Variants in PATJ observed in about 807,000 individuals in gnomAD.
PATJ encodes PATJ crumbs cell polarity complex component.
Under a neutral mutation model 224.9 loss-of-function variants are expected in PATJ, and 190 were observed. The ratio of observed to expected loss-of-function variants is 0.84; its 90% CI spans 0.75 to 0.95. The LOEUF is 0.95. Ranked by LOEUF, PATJ falls within the 40% of genes least tolerant of loss-of-function variation. The pLI, the probability that PATJ is intolerant of heterozygous loss-of-function variation, is 0.00. For synonymous variants in PATJ, 769 were observed against 820.3 expected (o/e 0.94, Z 1.07); for missense variants, 2,121 against 2,270.3 (o/e 0.93, Z 1.34).
chr1:61,847,797 A>G (rs1662201180), intron 17 of PATJ, among the ~76,000 whole-genome samples: 1 of 152,196 alleles, frequency 6.6e-6, no homozygotes, highest in Non-Finnish European at 1.5e-5. Context: ...ATTGTTTTAA[A>G]CCAGAACTGT....
intron 27 of PATJ, among the ~76,000 whole-genome samples, chr1:61,969,905 A>C (rs1179057436): frequency 6.6e-6 from 1 of 151,848 alleles, no homozygotes; most frequent in Non-Finnish European, 1.5e-5. Flanking sequence ...TGTTGGCCGG[A>C]CTGGTCTCGA....
Position 62,158,347 on chromosome 1 carries a change from C to T in PATJ, c.5503-2561C>T, listed in dbSNP as rs997293070. On this transcript the variant is annotated intron_variant, in intron 43 of 43. Transcript: ENST00000642238. Reference sequence around the variant, plus strand: ...TCCAAATCCTAGAAAGTTAAAAAATCATCCTGGCTGGGCACGGACTCATGC... The same window carrying T: ...TCCAAATCCTAGAAAGTTAAAAAATTATCCTGGCTGGGCACGGACTCATGC... Among the ~76,000 whole-genome samples the T allele has an allele frequency of 1.5e-4, 23 of 149,142 alleles. 3 individuals carry two copies. The highest frequency in any genetic ancestry group is 3.0e-5 in the Non-Finnish European group (2 of 67,084).
intron 29 of PATJ, among the ~76,000 whole-genome samples, chr1:62,027,306 T>G (rs1462498271): frequency 2.6e-5 from 4 of 152,226 alleles, no homozygotes; most frequent in African/African-American, 9.6e-5. Context: ...GAATTTCTTT[T>G]TAAGGCTGAA....
At chr1:62,147,599 G>A (rs996608325) in intron 41 of PATJ, among the ~76,000 whole-genome samples, 34 of 152,114 alleles carry the variant, frequency 2.2e-4, no homozygotes, top group Admixed American at 3.9e-4. Flanking sequence ...AGGAGTTCAA[G>A]ACCAGCCTGG....
At chr1:62,106,202 G>T (rs1663026314) in intron 33 of PATJ, among the ~76,000 whole-genome samples, 1 of 81,028 alleles carries the variant, frequency 1.2e-5, no homozygotes, top group Non-Finnish European at 2.9e-5. Context: ...GGGCACAGCG[G>T]CTCATACCTG....
chr1:61,939,676 C>CTTTT lies in PATJ; in HGVS notation c.3670+11870_3670+11873dup, dbSNP rs71050183. Among the ~76,000 whole-genome samples, 156 of 58,874 alleles carry CTTTT rather than the reference C, an allele frequency of 2.6e-3. 44 individuals are homozygous for CTTTT. Among genetic ancestry groups the CTTTT allele is most frequent in the Non-Finnish European group, 2.9e-3 (106 of 36,110 alleles). 38.6% of individuals were successfully genotyped at this position (58,874 alleles called of 152,430 possible). On this transcript the variant is annotated intron_variant, in intron 27 of 43. Transcript: ENST00000642238. ...AGCATGTATAAAAAGTTTCTATGTG[C>CTTTT]TTTTTTTTTTTTTTTTTTTTTTTTT...
intron 33 of PATJ, among the ~76,000 whole-genome samples, chr1:62,089,309 A>G (rs971339714): frequency 1.3e-5 from 2 of 151,808 alleles, no homozygotes; most frequent in Non-Finnish European, 2.9e-5. Flanking sequence ...TTTCCATTGA[A>G]TTCCATCACT....
At chr1:62,049,906 G>A (rs949045671) in intron 30 of PATJ, among the ~76,000 whole-genome samples, 5 of 152,014 alleles carry the variant, frequency 3.3e-5, no homozygotes, top group African/African-American at 7.2e-5. Context: ...ATCACTTGAC[G>A]TCAGGAGTTC....
At chr1:61,930,588 T>C (rs1208748396) in intron 27 of PATJ, among the ~76,000 whole-genome samples, 2 of 152,172 alleles carry the variant, frequency 1.3e-5, no homozygotes, top group East Asian at 3.9e-4. Context: ...TTGGGGGTTT[T>C]TTGAGATGGG....
intron 14 of PATJ, among the ~76,000 whole-genome samples, chr1:61,809,827 A>G (rs1361176540): frequency 6.7e-6 from 1 of 149,182 alleles, no homozygotes; most frequent in Non-Finnish European, 1.5e-5. Context: ...CCATAATTTT[A>G]TAGGTTTCAA....
At chr1:61,928,432 G>A (rs1409824168) in intron 27 of PATJ, among the ~76,000 whole-genome samples, 2 of 152,134 alleles carry the variant, frequency 1.3e-5, no homozygotes, top group African/African-American at 4.8e-5. Context: ...AGTGGTGATG[G>A]TTGTACAGTT....
At chr1:61,922,282 C>T (rs998917700) in intron 26 of PATJ, among the ~76,000 whole-genome samples, 6 of 151,966 alleles carry the variant, frequency 3.9e-5, no homozygotes, top group African/African-American at 1.4e-4. Flanking sequence ...TGACATCAGG[C>T]GATCTGCCCG....
intron 26 of PATJ, among the ~76,000 whole-genome samples, chr1:61,923,764 A>C (rs111250331): frequency 3.2e-4 from 1 of 3,094 alleles, no homozygotes; most frequent in Non-Finnish European, 7.0e-4. Context: ...CTAAAAATAC[A>C]AAAAAAAATT....
chr1:62,114,561 C>A (rs1054976738), intron 35 of PATJ: 8 of 225,702 alleles, frequency 3.5e-5, no homozygotes, highest in Admixed American at 1.7e-4. Flanking sequence ...CAACCATACC[C>A]AAGAAATAGC....
Position 61,998,017 on chromosome 1 carries a change from T to TA in PATJ, c.3867+7653_3867+7654insA, listed in dbSNP as rs1558014862. ...ATATATAATATATTATATATATTAA[T>TA]TATATATAATATATTATATATTTAT... On this transcript the variant is annotated intron_variant, in intron 28 of 43. Transcript: ENST00000642238. Among the ~76,000 whole-genome samples, 32 of 124,826 alleles carry TA rather than the reference T, an allele frequency of 2.6e-4. 1 individual carries two copies. Among genetic ancestry groups the TA allele is most frequent in the African/African-American group, 9.0e-4 (28 of 31,232 alleles). The allele number at this position is 124,826 out of a possible 152,430, so 81.9% of individuals were successfully genotyped here.
rs1670003112 is a variant in PATJ, at chr1:62,163,891, C to A, written c.*2837C>A. The A allele has an allele frequency of 6.6e-6, 1 of 151,588 alleles. No individual in the cohort carries two copies. Among genetic ancestry groups the A allele is most frequent in the South Asian group, 2.1e-4 (1 of 4,822 alleles). 9.4% of individuals were successfully genotyped at this position (151,588 alleles called of 1,614,324 possible). On this transcript the variant is annotated 3_prime_UTR_variant, in exon 44 of 44. Transcript: ENST00000642238. ...TATGTGTAAGATATTTCCAAAGATT[C>A]TAAATAAATGTAGTTGCCTACAGAG...
intron 41 of PATJ, among the ~76,000 whole-genome samples, chr1:62,133,456 C>G (rs1250899508): frequency 6.6e-6 from 1 of 152,104 alleles, no homozygotes; most frequent in African/African-American, 2.4e-5. Flanking sequence ...TTGGCACATG[C>G]CTGTAGTCCC....
intron 27 of PATJ, among the ~76,000 whole-genome samples, chr1:61,957,769 G>A (rs116376003): frequency 0.012 from 1,763 of 152,232 alleles, 26 homozygotes; most frequent in South Asian, 0.056. Flanking sequence ...CCTAAAGTAC[G>A]TACTGTCGAG....
At chr1:61,943,490 G>A (rs541356104) in intron 27 of PATJ, among the ~76,000 whole-genome samples, 14 of 152,272 alleles carry the variant, frequency 9.2e-5, no homozygotes, top group Middle Eastern at 3.4e-3. Context: ...GTCGCTGCTA[G>A]CACAGCAGTC....
Sources: gnomAD v4.1 joint callset for allele counts (sites outside exome capture counted in the v4.1 genomes callset) on GRCh38, gnomAD v4.1.1 for gene constraint, MANE v1.5 for transcripts, NCBI Gene and HGNC (gene_info 2026-07-23, HGNC 2026-07-21) for gene names.